Variants in CDH13 observed in about 807,000 individuals in gnomAD.
CDH13 encodes cadherin-13.
A neutral mutation model predicts 63.8 loss-of-function variants in CDH13; 24 were observed. The observed-to-expected ratio is 0.38, with a 90% CI of 0.27 to 0.53. The LOEUF (loss-of-function observed/expected upper bound fraction) is 0.53. Among genes scored for constraint, CDH13 ranks in the 20% least tolerant of loss-of-function variants. The probability of loss-of-function intolerance (pLI) is 0.85; values close to 1 mark genes in which losing one functional copy is unlikely to be tolerated. For missense variants in CDH13, 1,049 were observed against 903.1 expected, an observed-to-expected ratio of 1.16 and a Z score of -2.07; for synonymous variants, 503 against 355.3, an observed-to-expected ratio of 1.42 and a Z score of -4.67.
chr16:83,293,361 G>C (rs1220428279), intron 5 of CDH13, among the ~76,000 whole-genome samples: 1 of 152,100 alleles, frequency 6.6e-6, no homozygotes, highest in Admixed American at 6.6e-5. Flanking sequence ...GCTCTAATTT[G>C]GGAGATACAA....
intron 6 of CDH13, among the ~76,000 whole-genome samples, chr16:83,357,669 G>A (rs760672292): frequency 3.3e-5 from 5 of 152,156 alleles, no homozygotes; most frequent in South Asian, 2.1e-4. Flanking sequence ...GTAAACATAC[G>A]TCAATGCATA....
At chr16:83,376,293 T>C (rs1597865161) in intron 6 of CDH13, among the ~76,000 whole-genome samples, 1 of 152,268 alleles carries the variant, frequency 6.6e-6, no homozygotes, top group East Asian at 1.9e-4. Context: ...TATGCACAGA[T>C]GTGGAAGACT....
At chr16:83,583,816 C>T (rs1313617489) in intron 7 of CDH13, among the ~76,000 whole-genome samples, 1 of 151,994 alleles carries the variant, frequency 6.6e-6, no homozygotes. Flanking sequence ...ACTCCAGAAG[C>T]TGAGGCAGAA....
At chr16:83,700,410 C>T (rs1488746210) in intron 10 of CDH13, among the ~76,000 whole-genome samples, 1 of 152,164 alleles carries the variant, frequency 6.6e-6, no homozygotes, top group Non-Finnish European at 1.5e-5. Flanking sequence ...TGTTAAATAG[C>T]CATTTTTCTC....
intron 7 of CDH13, among the ~76,000 whole-genome samples, chr16:83,523,148 A>C (rs997872057): frequency 1.3e-5 from 2 of 152,084 alleles, no homozygotes; most frequent in Non-Finnish European, 2.9e-5. Context: ...GTTGTATCTA[A>C]ATTAGTAATA....
chr16:83,244,373 G>A (rs1437817360), intron 5 of CDH13, among the ~76,000 whole-genome samples: 16 of 151,952 alleles, frequency 1.1e-4, no homozygotes, highest in Non-Finnish European at 2.1e-4. Flanking sequence ...CAAGGGTATG[G>A]CAAAAAGGAT....
intron 5 of CDH13, among the ~76,000 whole-genome samples, chr16:83,276,611 C>T (rs902192553): frequency 6.6e-6 from 1 of 152,130 alleles, no homozygotes; most frequent in South Asian, 2.1e-4. Flanking sequence ...TGGCTCGCGC[C>T]TGTAATCCCA....
intron 5 of CDH13, among the ~76,000 whole-genome samples, chr16:83,229,527 G>T (rs2039943487): frequency 6.6e-6 from 1 of 151,714 alleles, no homozygotes; most frequent in Non-Finnish European, 1.5e-5. Flanking sequence ...TTTATCAGTG[G>T]GCTCTCTCAA....
At chr16:82,927,874 T>G (rs918998102) in intron 2 of CDH13, among the ~76,000 whole-genome samples, 3 of 152,208 alleles carry the variant, frequency 2.0e-5, no homozygotes, top group Non-Finnish European at 4.4e-5. Flanking sequence ...AGAGAATTGG[T>G]TGGTACTTCA....
chr16:83,047,833 C>G lies in CDH13; in HGVS notation c.366+15615C>G, dbSNP rs1917941572. On this transcript the variant is annotated intron_variant, in intron 3 of 13. Transcript: ENST00000567109. This position sits in a 1 kb window ranked among gnomAD's most constrained non-coding sequence, Gnocchi z 4.9. ...CATTTCTTACATTAAGTCATATAAT[C>G]TTTATAATAACTCTATAATATAGGT... Among the ~76,000 whole-genome samples the G allele has an allele frequency of 6.6e-6, 1 of 152,166 alleles. No individual in the cohort carries two copies. The highest frequency in any genetic ancestry group is 2.4e-5 in the African/African-American group (1 of 41,434).
intron 1 of CDH13, among the ~76,000 whole-genome samples, chr16:82,769,496 T>G (rs917109663): frequency 6.6e-6 from 1 of 152,222 alleles, no homozygotes; most frequent in African/African-American, 2.4e-5. Flanking sequence ...TCTGTCTTTA[T>G]GGAGGCCACG....
In CDH13 at chr16:83,260,417, T is replaced by G. The variant is rs1019837520; in HGVS notation, c.636+42920T>G. On this transcript the variant is annotated intron_variant, in intron 5 of 13. Coordinates refer to ENST00000567109, the MANE Select transcript of CDH13 (RefSeq NM_001257.5). The stretch of plus-strand genomic sequence containing the variant: ...AATTAAATTTTTTATTAGTATCTAT[T>G]TCTCATATTTCTCCCCAGCACAGTC... 9.2e-5 allele frequency among the ~76,000 whole-genome samples: 14 copies of G among 152,200 alleles called. 1 individual carries two copies. Among genetic ancestry groups the G allele is most frequent in the African/African-American group, 3.4e-4 (14 of 41,452 alleles).
At chr16:83,433,902 A>G (rs2072205025) in intron 6 of CDH13, among the ~76,000 whole-genome samples, 1 of 152,126 alleles carries the variant, frequency 6.6e-6, no homozygotes, top group Non-Finnish European at 1.5e-5. Flanking sequence ...AAAAATATGA[A>G]TTATGCTTAG....
chr16:83,745,440 C>T (rs1331297899), intron 10 of CDH13, among the ~76,000 whole-genome samples: 1 of 152,194 alleles, frequency 6.6e-6, no homozygotes, highest in Non-Finnish European at 1.5e-5. Context: ...TCAATGCTGA[C>T]TGGAAGCCCA....
At chr16:83,472,296 T>C (rs900257267) in intron 6 of CDH13, among the ~76,000 whole-genome samples, 1 of 152,190 alleles carries the variant, frequency 6.6e-6, no homozygotes, top group Non-Finnish European at 1.5e-5. Flanking sequence ...TGAGTCTGGA[T>C]GGGAGGCCAG....
intron 10 of CDH13, among the ~76,000 whole-genome samples, chr16:83,697,586 A>G (rs145304471): frequency 8.3e-4 from 126 of 152,326 alleles, no homozygotes; most frequent in Middle Eastern, 3.4e-3. Context: ...AAGGCCGTGT[A>G]TTGATGAGTT....
At chr16:82,670,626 C>G (rs972453039) in intron 1 of CDH13, among the ~76,000 whole-genome samples, 3 of 152,096 alleles carry the variant, frequency 2.0e-5, no homozygotes, top group Non-Finnish European at 2.9e-5. Flanking sequence ...AACAGATTCT[C>G]GGAATGAGCT....
intron 2 of CDH13, among the ~76,000 whole-genome samples, chr16:82,991,249 T>C (rs1357351330): frequency 6.6e-6 from 1 of 152,202 alleles, no homozygotes; most frequent in African/African-American, 2.4e-5. Flanking sequence ...GATCACACGC[T>C]CTTAGGTATT....
At chr16:83,075,140 G>A (rs1488866843) in intron 3 of CDH13, among the ~76,000 whole-genome samples, 1 of 152,180 alleles carries the variant, frequency 6.6e-6, no homozygotes, top group African/African-American at 2.4e-5. Context: ...GTAGGATTGA[G>A]CTCCAGTTGC....
Sources: allele counts gnomAD v4.1 joint callset (sites outside exome capture counted in the v4.1 genomes callset), GRCh38; gene constraint gnomAD v4.1.1; non-coding constraint Gnocchi (gnomAD v3.1); transcripts MANE v1.5; gene names NCBI Gene and HGNC (gene_info 2026-07-23, HGNC 2026-07-21).